The following ALG5 variants were observed in gnomAD, a reference collection of about 807,000 sequenced individuals.
ALG5 encodes the protein ALG5 dolichyl-phosphate beta-glucosyltransferase.
In ALG5, 26 loss-of-function variants were observed where a neutral mutation model predicts 51.8. That is an observed-to-expected ratio of 0.50 (90% CI 0.37 to 0.70). ALG5 has a LOEUF of 0.70. Among genes scored for constraint, ALG5 ranks in the 30% least tolerant of loss-of-function variants. The pLI is 0.00. For missense variants in ALG5, 311 were observed against 399.3 expected (o/e 0.78, Z 1.88); for synonymous variants, 141 against 136.1 (o/e 1.04, Z -0.25).
At chr13:36,990,389 T>C (rs566465861) in intron 4 of ALG5, among the ~76,000 whole-genome samples, 1 of 152,336 alleles carries the variant, frequency 6.6e-6, no homozygotes, top group African/African-American at 2.4e-5. Flanking sequence ...AAAGTTGCTC[T>C]CATCTGGCCT....
intron 8 of ALG5, among the ~76,000 whole-genome samples, chr13:36,962,339 G>A (rs2058871277): frequency 6.6e-6 from 1 of 152,106 alleles, no homozygotes; most frequent in Non-Finnish European, 1.5e-5. Flanking sequence ...CACTGATGAC[G>A]TATTATTGTG....
intron 5 of ALG5, among the ~76,000 whole-genome samples, chr13:36,986,991 C>G (rs1462252571): frequency 6.6e-6 from 1 of 152,206 alleles, no homozygotes; most frequent in Non-Finnish European, 1.5e-5. Flanking sequence ...TCTACCATAG[C>G]AACTCCCATT....
At chr13:36,997,509 G>T (rs1402003107) in intron 1 of ALG5, among the ~76,000 whole-genome samples, 2 of 151,626 alleles carry the variant, frequency 1.3e-5, no homozygotes, top group African/African-American at 4.8e-5. Flanking sequence ...AGAAAAAAAG[G>T]GGGAGGAGAA....
intron 1 of ALG5, among the ~76,000 whole-genome samples, chr13:36,997,461 C>T (rs2840335): frequency 0.85 from 113,870 of 134,380 alleles, 48,163 homozygotes; most frequent in East Asian, 1. Flanking sequence ...AGCCAGACTC[C>T]GTCTCAAAAA....
intron 4 of ALG5, among the ~76,000 whole-genome samples, chr13:36,993,211 G>A (rs2138828804): frequency 6.6e-6 from 1 of 152,346 alleles, no homozygotes; most frequent in Non-Finnish European, 1.5e-5. Context: ...CTGTGCATGT[G>A]AAAGGACACA....
rs773248756 is a variant in ALG5 at position 36,950,046 on chromosome 13, C to A, written c.871G>T (p.Val291Phe). The A allele has an allele frequency of 2.5e-6, 4 of 1,597,698 alleles. No individual in the cohort carries two copies. The highest frequency in any genetic ancestry group is 3.4e-6 in the Non-Finnish European group (4 of 1,169,678). The stretch of plus-strand genomic sequence containing the variant: ...ATTTGTAGCCAGCTCCAGAATGGAA[C>A]TAATTTAGAACCTGTGATTTAAAAA... The part of the protein sequence containing the change: ...NWTEIEGSKL[V>F]PFWSWLQMGK... The change falls in exon 10 of 10, where the codon GTT (valine) becomes TTT (phenylalanine). Residue 291 changes from valine to phenylalanine, a missense_variant. By Grantham distance (50) the Val-to-Phe change is conservative. Coordinates refer to ENST00000239891, the MANE Select transcript of ALG5 (RefSeq NM_013338.5).
intron 8 of ALG5, 22 bp downstream of exon 8, chr13:36,965,553 T>G (rs770018028): frequency 1.2e-6 from 2 of 1,608,414 alleles, no homozygotes; most frequent in Non-Finnish European, 1.7e-6. Context: ...ACAGACTGGA[T>G]ACATTCCAGT....
Position 36,965,734 on chromosome 13 carries a change from C to A in ALG5, c.622-8G>T. The stretch of plus-strand genomic sequence containing the variant: ...AGTACGGAAGTAAGAACGCTGAAAA[C>A]AAAGACAAAATATAAATGACTTTTC... On this transcript the variant is annotated splice_polypyrimidine_tract_variant and splice_region_variant and intron_variant, in intron 7 of 9. Transcript: ENST00000239891. The A allele has an allele frequency of 6.2e-7, 1 of 1,605,610 alleles. No homozygotes were observed. Among genetic ancestry groups the A allele is most frequent in the Non-Finnish European group, 8.5e-7 (1 of 1,177,252 alleles).
intron 6 of ALG5, among the ~76,000 whole-genome samples, chr13:36,979,074 T>C (rs2058967127): frequency 6.6e-6 from 1 of 151,960 alleles, no homozygotes; most frequent in African/African-American, 2.4e-5. Context: ...TGGAGTGCAG[T>C]GGCACGATCT....
At chr13:36,971,098 G>A (rs2058920797) in intron 7 of ALG5, among the ~76,000 whole-genome samples, 2 of 152,060 alleles carry the variant, frequency 1.3e-5, no homozygotes, top group Non-Finnish European at 2.9e-5. Context: ...AGCCTCATGT[G>A]CGTAAGAGGG....
At chr13:36,982,735 G>A (rs1407332657) in intron 6 of ALG5, among the ~76,000 whole-genome samples, 1 of 152,086 alleles carries the variant, frequency 6.6e-6, no homozygotes. Flanking sequence ...TTCACTGGGT[G>A]GATCCAAAAA....
chr13:36,984,608 CTTTTA>C (rs2058994008), intron 6 of ALG5, among the ~76,000 whole-genome samples: 1 of 152,032 alleles, frequency 6.6e-6, no homozygotes. Context: ...CCATTTCTTT[CTTTTA>C]TTTTGTCATG....
intron 6 of ALG5, among the ~76,000 whole-genome samples, chr13:36,982,129 G>A (rs1027010844): frequency 2.0e-5 from 3 of 152,024 alleles, no homozygotes; most frequent in South Asian, 2.1e-4. Context: ...AACAAAAACC[G>A]TAAGAACTGA....
intron 5 of ALG5, among the ~76,000 whole-genome samples, chr13:36,987,046 C>T (rs903834135): frequency 6.6e-6 from 1 of 152,296 alleles, no homozygotes; most frequent in South Asian, 2.1e-4. Flanking sequence ...TCTCATGTGC[C>T]TCACTGCCTT....
intron 4 of ALG5, among the ~76,000 whole-genome samples, chr13:36,991,536 G>A (rs2059025381): frequency 6.6e-6 from 1 of 152,188 alleles, no homozygotes; most frequent in Non-Finnish European, 1.5e-5. Context: ...CTTCTTTGCT[G>A]TTATGGCCCC....
chr13:36,985,597 A>C (rs1193756139), intron 6 of ALG5, 30 bp downstream of exon 6: 16 of 1,542,204 alleles, frequency 1.0e-5, no homozygotes, highest in Non-Finnish European at 1.2e-5. Context: ...TCTTGACTGA[A>C]TGTTATTTAA....
At chr13:36,972,400 T>C (rs921953565) in intron 6 of ALG5, among the ~76,000 whole-genome samples, 1 of 152,054 alleles carries the variant, frequency 6.6e-6, no homozygotes, top group Non-Finnish European at 1.5e-5. Flanking sequence ...AATCAAAGAA[T>C]AGCAACTGAA....
At chr13:36,960,647 G>A (rs558246552) in intron 8 of ALG5, among the ~76,000 whole-genome samples, 50 of 151,840 alleles carry the variant, frequency 3.3e-4, no homozygotes, top group African/African-American at 1.2e-3. Context: ...TGAGTAGGTG[G>A]GACTATGGGC....
At chr13:36,958,458 G>A (rs2058850596) in intron 8 of ALG5, among the ~76,000 whole-genome samples, 1 of 152,144 alleles carries the variant, frequency 6.6e-6, no homozygotes, top group Non-Finnish European at 1.5e-5. Flanking sequence ...AGCCCCAGAT[G>A]CAGTGCATGA....
Sources: gnomAD v4.1 joint callset for allele counts (sites outside exome capture counted in the v4.1 genomes callset) on GRCh38, gnomAD v4.1.1 for gene constraint, MANE v1.5 for transcripts, NCBI Gene and HGNC (gene_info 2026-07-23, HGNC 2026-07-21) for gene names.